The following UGT8 variants were observed in gnomAD, a reference collection of about 807,000 sequenced individuals.
UGT8 encodes 2-hydroxyacylsphingosine 1-beta-galactosyltransferase.
UGT8 carries 12 observed loss-of-function variants against 40.5 expected under a neutral mutation model. The observed-to-expected ratio is 0.30, with a 90% CI of 0.19 to 0.48. The LOEUF (loss-of-function observed/expected upper bound fraction) is 0.48. UGT8 is among the 20% of genes least tolerant of loss of function. The pLI is 0.99. For missense variants in UGT8, 513 were observed against 648.7 expected (o/e 0.79, Z 2.27); for synonymous variants, 224 against 240.4 (o/e 0.93, Z 0.63).
At chr4:114,669,088 A>C (rs1735072623) in intron 5 of UGT8, among the ~76,000 whole-genome samples, 1 of 152,198 alleles carries the variant, frequency 6.6e-6, no homozygotes, top group African/African-American at 2.4e-5. Flanking sequence ...GAAACACTTG[A>C]GAAACACTGC....
intron 2 of UGT8, among the ~76,000 whole-genome samples, chr4:114,625,207 A>T (rs1162691233): frequency 6.6e-6 from 1 of 152,044 alleles, no homozygotes; most frequent in Non-Finnish European, 1.5e-5. Flanking sequence ...CACTTGATTG[A>T]AGAAGAAGTA....
intron 4 of UGT8, 99 bp from the exon 5 acceptor site, chr4:114,667,986 G>T: frequency 1.3e-6 from 2 of 1,494,686 alleles, no homozygotes; most frequent in South Asian, 1.4e-5. Context: ...TATCTGAAAT[G>T]CATGTTTACT....
intron 2 of UGT8, among the ~76,000 whole-genome samples, chr4:114,659,932 G>A (rs1734414429): frequency 6.6e-6 from 1 of 152,088 alleles, no homozygotes; most frequent in Admixed American, 6.5e-5. Context: ...CTGTGAGGGT[G>A]GCATTTCAAA....
chr4:114,641,829 C>T (rs1206151935), intron 2 of UGT8, among the ~76,000 whole-genome samples: 2 of 152,112 alleles, frequency 1.3e-5, no homozygotes, highest in Non-Finnish European at 2.9e-5. Flanking sequence ...AATTAATCTT[C>T]TCATTTTCTT....
In UGT8 at chr4:114,676,322, C is replaced by G; in HGVS notation, c.*34C>G. 1 of 1,510,774 alleles carries G rather than the reference C, an allele frequency of 6.6e-7. No homozygotes were observed. Among genetic ancestry groups the G allele is most frequent in the Non-Finnish European group, 8.9e-7 (1 of 1,127,732 alleles). 93.6% of individuals were successfully genotyped at this position (1,510,774 alleles called of 1,614,324 possible). ...CCCAGGTGATAGAAATAAATTGGTT[C>G]ACTCATTGAATTTTTATTGCTATTA... is the stretch of plus-strand genomic sequence containing the variant. On this transcript the variant is annotated 3_prime_UTR_variant, in exon 6 of 6. Transcript: ENST00000310836.
At chr4:114,626,504 A>G (rs1252824473) in intron 2 of UGT8, among the ~76,000 whole-genome samples, 1 of 152,214 alleles carries the variant, frequency 6.6e-6, no homozygotes, top group East Asian at 1.9e-4. Context: ...TATAAAGGAC[A>G]TTTTAAATAA....
At chr4:114,613,008 T>G (rs2126090129) in intron 1 of UGT8, among the ~76,000 whole-genome samples, 1 of 152,280 alleles carries the variant, frequency 6.6e-6, no homozygotes, top group Non-Finnish European at 1.5e-5. Flanking sequence ...CCCAGTAAGT[T>G]TTAGAATAGT....
chr4:114,614,911 C>A (rs894952865), intron 1 of UGT8, among the ~76,000 whole-genome samples: 3 of 117,080 alleles, frequency 2.6e-5, no homozygotes, highest in Admixed American at 9.7e-5. Flanking sequence ...TTTCTGAATT[C>A]TTTCTTCTCC....
chr4:114,665,662 GTC>G lies in UGT8; in HGVS notation c.966-16_966-15del. ...AGGTTTGATTTTTAAAAGACTAATT[GTC>G]TGGTGTACATTTTAGGTTTTCTGGA... On this transcript the variant is annotated splice_polypyrimidine_tract_variant and intron_variant, in intron 3 of 5. Transcript: ENST00000310836. 6.3e-7 allele frequency: 1 copy of G among 1,589,696 alleles called. No individual in the cohort carries two copies. Among genetic ancestry groups the G allele is most frequent in the Non-Finnish European group, 8.5e-7 (1 of 1,170,046 alleles).
intron 1 of UGT8, among the ~76,000 whole-genome samples, chr4:114,613,930 A>G (rs972070078): frequency 9.2e-5 from 14 of 152,226 alleles, no homozygotes; most frequent in Admixed American, 8.5e-4. Context: ...AATCACCATC[A>G]TCAGGCATTA....
chr4:114,659,097 A>T (rs1734363735), intron 2 of UGT8, among the ~76,000 whole-genome samples: 1 of 152,192 alleles, frequency 6.6e-6, no homozygotes, highest in Non-Finnish European at 1.5e-5. Flanking sequence ...CTCTAGGATA[A>T]GAAATCTGGC....
chr4:114,628,180 C>A (rs999306904), intron 2 of UGT8, among the ~76,000 whole-genome samples: 2 of 151,962 alleles, frequency 1.3e-5, no homozygotes, highest in African/African-American at 4.8e-5. Context: ...CACTCTGTCA[C>A]CCAGGCTGAA....
intron 1 of UGT8, chr4:114,622,313 C>G (rs1484321959): frequency 1.1e-4 from 16 of 151,272 alleles, no homozygotes; most frequent in Admixed American, 8.6e-4. Flanking sequence ...CATAGTATTC[C>G]ATGGTGTATA....
chr4:114,633,620 G>A (rs994193117), intron 2 of UGT8, among the ~76,000 whole-genome samples: 1 of 152,124 alleles, frequency 6.6e-6, no homozygotes, highest in Admixed American at 6.5e-5. Context: ...GCTTTAGATG[G>A]GCTTTAACAT....
chr4:114,605,052 A>G (rs1483892123), intron 1 of UGT8, among the ~76,000 whole-genome samples: 1 of 152,152 alleles, frequency 6.6e-6, no homozygotes, highest in Non-Finnish European at 1.5e-5. Flanking sequence ...GTTTTAGACT[A>G]TATATTGTCA....
chr4:114,632,446 G>A (rs568915334), intron 2 of UGT8, among the ~76,000 whole-genome samples: 1 of 152,264 alleles, frequency 6.6e-6, no homozygotes, highest in South Asian at 2.1e-4. Flanking sequence ...CCACGTGGTG[G>A]ATACTAACTT....
At chr4:114,615,815 T>C (rs1238488195) in intron 1 of UGT8, among the ~76,000 whole-genome samples, 1 of 152,164 alleles carries the variant, frequency 6.6e-6, no homozygotes, top group East Asian at 1.9e-4. Context: ...ATTAGAGAGG[T>C]AGAGAAAAAT....
intron 2 of UGT8, among the ~76,000 whole-genome samples, chr4:114,658,329 A>C (rs963191438): frequency 8.5e-5 from 13 of 152,320 alleles, no homozygotes; most frequent in African/African-American, 2.6e-4. Flanking sequence ...ATTCTCTCAC[A>C]GTCCAGGCAT....
chr4:114,603,462 C>G (rs1730557949), intron 1 of UGT8, among the ~76,000 whole-genome samples: 1 of 151,842 alleles, frequency 6.6e-6, no homozygotes, highest in African/African-American at 2.4e-5. Context: ...CTGGGGAGAT[C>G]CTAAAATTTA....
Sources: allele counts gnomAD v4.1 joint callset (sites outside exome capture counted in the v4.1 genomes callset), GRCh38; gene constraint gnomAD v4.1.1; transcripts MANE v1.5; gene names NCBI Gene and HGNC (gene_info 2026-07-23, HGNC 2026-07-21).